Variants in SAMSN1 observed in about 807,000 individuals in gnomAD.
SAMSN1 encodes the protein SAM domain-containing protein SAMSN-1.
A neutral mutation model predicts 42.0 loss-of-function variants in SAMSN1; 31 were observed. The observed-to-expected ratio is 0.74, with a 90% CI of 0.55 to 1.00. The LOEUF (loss-of-function observed/expected upper bound fraction) is 1.00. Ranked by LOEUF, SAMSN1 falls within the 50% of genes least tolerant of loss-of-function variation. SAMSN1 has a pLI of 0.00. For synonymous variants in SAMSN1, 178 were observed against 151.9 expected (o/e 1.17, Z -1.26); for missense variants, 464 against 439.4 (o/e 1.06, Z -0.50).
intron 1 of SAMSN1, among the ~76,000 whole-genome samples, chr21:14,645,296 C>T (rs1248810082): frequency 1.3e-5 from 2 of 152,200 alleles, no homozygotes; most frequent in Non-Finnish European, 1.5e-5. Context: ...CCACTTCCAG[C>T]TTTCAGTAAC....
intron 4 of SAMSN1, among the ~76,000 whole-genome samples, chr21:14,511,960 G>A (rs533292109): frequency 1.2e-4 from 19 of 152,208 alleles, no homozygotes; most frequent in East Asian, 3.9e-4. Context: ...ATGCAAATGT[G>A]CTACATTTTT....
chr21:14,514,943 G>A (rs1987838855), intron 3 of SAMSN1, among the ~76,000 whole-genome samples: 2 of 152,096 alleles, frequency 1.3e-5, no homozygotes, highest in Admixed American at 1.3e-4. Context: ...GACTTAAGGG[G>A]AGAATGTAGA....
At chr21:14,577,252 A>C (rs1245950422) in intron 2 of SAMSN1, among the ~76,000 whole-genome samples, 1 of 35,220 alleles carries the variant, frequency 2.8e-5, no homozygotes, top group Non-Finnish European at 4.9e-5. Flanking sequence ...ATATATATAT[A>C]TATATATATA....
At chr21:14,575,113 G>A (rs554793549) in intron 2 of SAMSN1, among the ~76,000 whole-genome samples, 2 of 152,276 alleles carry the variant, frequency 1.3e-5, no homozygotes, top group African/African-American at 4.8e-5. Flanking sequence ...TAGACTGGAT[G>A]GCTTAGGAGG....
At chr21:14,649,442 A>T (rs536750084) in intron 1 of SAMSN1, among the ~76,000 whole-genome samples, 86 of 152,218 alleles carry the variant, frequency 5.6e-4, no homozygotes, top group African/African-American at 1.5e-3. Flanking sequence ...AAAAAATTTT[A>T]AAAAAAGTTA....
rs566985348 is a variant in SAMSN1 at position 14,540,081 on chromosome 21, T to C, written c.57+6124A>G. On this transcript the variant is annotated intron_variant, in intron 1 of 7. Coordinates refer to ENST00000400566, the MANE Select transcript of SAMSN1 (RefSeq NM_022136.5). ...TAATAAATGGTGCTGGGAAAACTGG[T>C]TAGCCATATGTAGAAAGCTGAAACT... 1.6e-4 allele frequency among the ~76,000 whole-genome samples: 24 copies of C among 152,232 alleles called. No homozygotes were observed. In the South Asian group the frequency reaches 1.7e-3, roughly 11 times the overall value.
chr21:14,645,005 A>AGGTATT (rs1983685253), intron 1 of SAMSN1, among the ~76,000 whole-genome samples: 1 of 152,140 alleles, frequency 6.6e-6, no homozygotes, highest in African/African-American at 2.4e-5. Flanking sequence ...ATACAATAAC[A>AGGTATT]CCAGGTAGAC....
chr21:14,551,834 G>A (rs575665485), intron 2 of SAMSN1, among the ~76,000 whole-genome samples: 15 of 152,164 alleles, frequency 9.9e-5, no homozygotes, highest in South Asian at 4.1e-4. Context: ...GTTTGGTAAC[G>A]TGTCTAGTTT....
chr21:14,590,328 C>G (rs751399189), intron 7 of SAMSN1, among the ~76,000 whole-genome samples: 1 of 151,706 alleles, frequency 6.6e-6, no homozygotes, highest in Non-Finnish European at 1.5e-5. Context: ...TGGAGGCTGG[C>G]GTGCATTTGC....
chr21:14,585,646 T>A (rs552065643), upstream of SAMSN1: 57 of 152,360 alleles, frequency 3.7e-4, no homozygotes, highest in African/African-American at 1.3e-3. Context: ...AATTTTTGTA[T>A]CTTTATTCAC....
intron 2 of SAMSN1, among the ~76,000 whole-genome samples, chr21:14,634,566 G>T (rs1983417522): frequency 6.6e-6 from 1 of 152,126 alleles, no homozygotes; most frequent in Non-Finnish European, 1.5e-5. Context: ...ATGAAGAAAG[G>T]CTCAACATCA....
chr21:14,601,130 G>T (rs975114201), intron 6 of SAMSN1, among the ~76,000 whole-genome samples: 1 of 152,142 alleles, frequency 6.6e-6, no homozygotes, highest in South Asian at 2.1e-4. Flanking sequence ...TTCAAACTGA[G>T]CTCTGTCTGA....
chr21:14,492,557 G>T (rs927644938), intron 7 of SAMSN1, among the ~76,000 whole-genome samples: 10 of 152,118 alleles, frequency 6.6e-5, no homozygotes, highest in Admixed American at 3.9e-4. Flanking sequence ...GCTATGTGTT[G>T]TATACAATCC....
At chr21:14,606,628 A>T (rs1229333338) in intron 5 of SAMSN1, among the ~76,000 whole-genome samples, 1 of 152,226 alleles carries the variant, frequency 6.6e-6, no homozygotes, top group Non-Finnish European at 1.5e-5. Flanking sequence ...AACCTGAATT[A>T]TAGATTAATT....
chr21:14,559,395 C>T (rs1265306615), intron 2 of SAMSN1, among the ~76,000 whole-genome samples: 1 of 152,134 alleles, frequency 6.6e-6, no homozygotes, highest in Non-Finnish European at 1.5e-5. Flanking sequence ...TTTAAACCAG[C>T]ACAGCTTTGA....
At chr21:14,606,328 C>T (rs1214964807) in intron 5 of SAMSN1, among the ~76,000 whole-genome samples, 2 of 152,120 alleles carry the variant, frequency 1.3e-5, no homozygotes, top group African/African-American at 4.8e-5. Flanking sequence ...ATTTCTGAAT[C>T]TCCAAATATG....
At chr21:14,587,760 T>C (rs1280220190), upstream of SAMSN1, among the ~76,000 whole-genome samples, 1 of 151,680 alleles carries the variant, frequency 6.6e-6, no homozygotes, top group Non-Finnish European at 1.5e-5. Context: ...TATTTATTTA[T>C]TTATTTTTTA....
chr21:14,603,373 A>C (rs935909291), intron 5 of SAMSN1, among the ~76,000 whole-genome samples: 4 of 152,194 alleles, frequency 2.6e-5, no homozygotes, highest in African/African-American at 9.6e-5. Flanking sequence ...TCATAACAAC[A>C]CAAGGCAGAA....
At position 14,504,241 on chromosome 21, in the gene SAMSN1, C is replaced by T. The variant is rs368252926; in HGVS notation, c.562-3506G>A. 9.2e-5 allele frequency among the ~76,000 whole-genome samples: 14 copies of T among 152,234 alleles called. 1 individual carries two copies. The East Asian group carries it at 9.6e-4, about 10-fold the overall frequency. ...TCACACTAGCTCACCACCAATGAAT[C>T]CAAACCAAGAAGAAATCCCTGATTT... On this transcript the variant is annotated intron_variant, in intron 5 of 7. Coordinates refer to ENST00000400566, the MANE Select transcript of SAMSN1 (RefSeq NM_022136.5).
Sources: allele counts gnomAD v4.1 joint callset (sites outside exome capture counted in the v4.1 genomes callset), GRCh38; gene constraint gnomAD v4.1.1; transcripts MANE v1.5; gene names NCBI Gene and HGNC (gene_info 2026-07-23, HGNC 2026-07-21).